Variants in NOTCH2 observed in about 807,000 individuals in gnomAD.
NOTCH2 encodes neurogenic locus notch homolog protein 2.
Under a neutral mutation model 235.8 loss-of-function variants are expected in NOTCH2, and 29 were observed. The observed-to-expected ratio is 0.12, with a 90% confidence interval of 0.09 to 0.17. The LOEUF (loss-of-function observed/expected upper bound fraction) is 0.17. Ranked by LOEUF, NOTCH2 falls within the 10% of genes least tolerant of loss-of-function variation. The probability of loss-of-function intolerance (pLI) is 1.00; values close to 1 mark genes in which losing one functional copy is unlikely to be tolerated. For synonymous variants in NOTCH2, 1,086 were observed against 1,141.5 expected, an observed-to-expected ratio of 0.95 and a Z score of 0.98; for missense variants, 2,285 against 3,150.2, an observed-to-expected ratio of 0.73 and a Z score of 6.57.
intron 5 of NOTCH2, among the ~76,000 whole-genome samples, chr1:119,977,499 C>T (rs996804086): frequency 9.2e-5 from 14 of 152,212 alleles, no homozygotes; most frequent in Admixed American, 2.6e-4. Flanking sequence ...GCCCAGTCAG[C>T]CCTCTGCGGT....
rs1649329457 is a variant in NOTCH2 at position 119,922,690 on chromosome 1, G to A, written c.4948C>T (p.Leu1650=). 6.2e-7 allele frequency: 1 copy of A among 1,614,108 alleles called. No homozygotes were observed. The highest frequency in any genetic ancestry group is 8.5e-7 in the Non-Finnish European group (1 of 1,180,048). The change falls in exon 27 of 34, where the codon CTG becomes TTG. Residue 1650 remains leucine, a synonymous_variant. Transcript: ENST00000256646. ...FKNTDAAAAL[L]ASHAIQGTLS... is the part of the protein sequence containing the mutation. The stretch of plus-strand genomic sequence containing the variant: ...GTCCCCTGTATGGCGTGAGAGGCCA[G>A]GAGAGCTGCTGCTGCATCCGTGTTC...
intron 19 of NOTCH2, among the ~76,000 whole-genome samples, chr1:119,939,461 A>G (rs946677631): frequency 5.3e-5 from 8 of 152,250 alleles, no homozygotes; most frequent in Admixed American, 5.2e-4. Context: ...TGTGTGAGAA[A>G]TCCACATGGG....
chr1:119,915,958 T>C lies in NOTCH2; in HGVS notation c.6764A>G (p.Asn2255Ser), dbSNP rs769268633. Residue 2255 changes from asparagine to serine, a missense_variant, in exon 34 of 34, where the codon AAC becomes AGC. Coordinates refer to ENST00000256646, the MANE Select transcript of NOTCH2 (RefSeq NM_024408.4). ...HPVPVPADWM[N>S]RMEVNETQYN... The stretch of plus-strand genomic sequence containing the variant: ...CTGGGTCTCATTCACCTCCATGCGG[T>C]TCATCCAATCTGCTGGGACTGGGAC... 9.3e-6 allele frequency: 15 copies of C among 1,613,996 alleles called. No individual in the cohort carries two copies. Among genetic ancestry groups the C allele is most frequent in the African/African-American group, 1.3e-5 (1 of 74,918 alleles).
Position 119,954,072 on chromosome 1 carries a change from C to T in NOTCH2, c.2220-384G>A, listed in dbSNP as rs76085702. Among the ~76,000 whole-genome samples, 14 of 152,234 alleles carry T rather than the reference C, an allele frequency of 9.2e-5. No individual in the cohort carries two copies. The East Asian group carries it at 2.3e-3, about 25-fold the overall frequency. On this transcript the variant is annotated intron_variant, in intron 13 of 33. Transcript: ENST00000256646. ...ATTAGTTTTTGGTGCCAAATAGATA[C>T]CTAGGTCACTGTCAGGGACCCTGAG...
rs1311635249 is a variant in NOTCH2, at chr1:119,915,775, G to A, written c.6947C>T (p.Ala2316Val). ...AGGCTGGGGAGCCCCCGCTGGTTGGGCAATACTGCCTTTAGGGATGAGCTG... is the reference window on the plus strand; with the variant it reads ...AGGCTGGGGAGCCCCCGCTGGTTGGACAATACTGCCTTTAGGGATGAGCTG... ...TFQLIPKGSI[A>V]QPAGAPQPQS... The change falls in exon 34 of 34, where the codon GCC (alanine) becomes GTC (valine). Residue 2316 changes from alanine (A) to valine (V), a missense_variant. Physicochemically the swap from Ala to Val is moderately conservative, Grantham distance 64 (BLOSUM62 0). Coordinates refer to ENST00000256646, the MANE Select transcript of NOTCH2 (RefSeq NM_024408.4). 1 of 1,609,924 alleles carries A rather than the reference G, an allele frequency of 6.2e-7. No homozygotes were observed. Among genetic ancestry groups the A allele is most frequent in the Admixed American group, 1.7e-5 (1 of 59,910 alleles).
rs1221282887 is a variant in NOTCH2, at chr1:119,963,176, T to TAGGAAGGA, written c.1915+397_1915+398insTCCTTCCT. Among the ~76,000 whole-genome samples, 76 of 66,428 alleles carry TAGGAAGGA rather than the reference T, an allele frequency of 1.1e-3. No homozygotes were observed. The East Asian group carries it at 0.022, about 19-fold the overall frequency. The allele number at this position is 66,428 out of a possible 152,430, so 43.6% of individuals were successfully genotyped here. A position where few individuals can be genotyped will look rare whatever the true frequency, so the allele number is the denominator to read the frequency against. On this transcript the variant is annotated intron_variant, in intron 11 of 33. Coordinates refer to ENST00000256646, the MANE Select transcript of NOTCH2 (RefSeq NM_024408.4). ...GAAGGGAAGAAGGGAAGAAGGAAGG[T>TAGGAAGGA]AGGTAGGAAGGAAGGAAGGAAGGAA...
chr1:119,955,338 G>A, intron 12 of NOTCH2, 106 bp from the exon 13 acceptor site: 2 of 1,123,342 alleles, frequency 1.8e-6, no homozygotes, highest in South Asian at 1.3e-5. Context: ...CAGGCCATAA[G>A]GTGCCTTGAG....
chr1:119,995,712 G>C (rs781976813), intron 4 of NOTCH2: 7 of 152,116 alleles, frequency 4.6e-5, no homozygotes, highest in Non-Finnish European at 8.8e-5. Flanking sequence ...TAATTAAATA[G>C]CTTGTTCTTG....
intron 3 of NOTCH2, among the ~76,000 whole-genome samples, chr1:120,005,078 G>A (rs1432404277): frequency 3.3e-5 from 5 of 152,132 alleles, no homozygotes; most frequent in East Asian, 3.9e-4. Context: ...GTGCACCACC[G>A]CACCTGGCCC....
At chr1:120,067,929 AACATCTGCGATTG>A (rs1479060776) in intron 1 of NOTCH2, among the ~76,000 whole-genome samples, 5 of 145,672 alleles carry the variant, frequency 3.4e-5, no homozygotes, top group Non-Finnish European at 7.5e-5. Flanking sequence ...TCTCTTTTTA[AACATCTGCGATTG>A]ACATGTCGAC....
chr1:119,921,062 G>A (rs942674211), intron 29 of NOTCH2, among the ~76,000 whole-genome samples: 1 of 152,188 alleles, frequency 6.6e-6, no homozygotes. Flanking sequence ...TTACAAAGAG[G>A]TTAAGTAACT....
chr1:119,986,672 A>C (rs1652030728), intron 5 of NOTCH2, among the ~76,000 whole-genome samples: 1 of 152,176 alleles, frequency 6.6e-6, no homozygotes, highest in African/African-American at 2.4e-5. Context: ...TTTCCCAGAT[A>C]ATAAGCTTAC....
intron 5 of NOTCH2, among the ~76,000 whole-genome samples, chr1:119,981,166 C>A (rs1553201607): frequency 1.3e-5 from 2 of 152,166 alleles, no homozygotes; most frequent in African/African-American, 4.8e-5. Flanking sequence ...TACCCTATTT[C>A]TCCTTCTCTG....
Position 119,911,670 on chromosome 1 carries a change from C to T in NOTCH2, c.*3636G>A, listed in dbSNP as rs1055182057. ...TATATTAAGTTCTACACAAATTTCA[C>T]TTAAGGAATGTTACAAACCAATCAT... On this transcript the variant is annotated 3_prime_UTR_variant, in exon 34 of 34. Transcript: ENST00000256646. 1.3e-5 allele frequency: 3 copies of T among 232,860 alleles called. No individual in the cohort carries two copies. The highest frequency in any genetic ancestry group is 2.2e-5 in the African/African-American group (1 of 45,322). The allele number at this position is 232,860 out of a possible 1,614,324, so 14.4% of individuals were successfully genotyped here.
intron 14 of NOTCH2, 22 bp downstream of exon 14, chr1:119,953,521 A>T (rs782781123): frequency 1.2e-6 from 2 of 1,613,600 alleles, no homozygotes; most frequent in African/African-American, 2.7e-5. Flanking sequence ...GCAGACGCAG[A>T]AAGATGTACT....
chr1:119,927,005 G>A (rs1649498378), intron 23 of NOTCH2, among the ~76,000 whole-genome samples: 1 of 152,184 alleles, frequency 6.6e-6, no homozygotes, highest in South Asian at 2.1e-4. Flanking sequence ...TACTTCATAG[G>A]AGAGGCTACA....
Position 119,957,009 on chromosome 1 carries a change from G to C in NOTCH2, c.2027-1777C>G, listed in dbSNP as rs74117579. On this transcript the variant is annotated intron_variant, in intron 12 of 33. Coordinates refer to ENST00000256646, the MANE Select transcript of NOTCH2 (RefSeq NM_024408.4). ...TCTGACTTAGGCACTCAATAAATTG[G>C]TGTTTAATAAATGAAAACATGGTAT... Among the ~76,000 whole-genome samples the C allele has an allele frequency of 1.7e-3, 263 of 152,322 alleles. 3 individuals carry two copies. The highest frequency in any genetic ancestry group is 5.9e-3 in the African/African-American group (247 of 41,574).
At position 119,957,575 on chromosome 1, in the gene NOTCH2, C is replaced by G. The variant is rs2493412; in HGVS notation, c.2026+1817G>C. Reference sequence around the variant, plus strand: ...TCATGAGTATATACCACAGTCATCTCTAATGTTTTTAGCAGCTGATTAAAA... The same window carrying G: ...TCATGAGTATATACCACAGTCATCTGTAATGTTTTTAGCAGCTGATTAAAA... On this transcript the variant is annotated intron_variant, in intron 12 of 33. Coordinates refer to ENST00000256646, the MANE Select transcript of NOTCH2 (RefSeq NM_024408.4). Among the ~76,000 whole-genome samples, 1,261 of 152,122 alleles carry G rather than the reference C, an allele frequency of 8.3e-3. 15 individuals are homozygous for G. The highest frequency in any genetic ancestry group is 0.028 in the African/African-American group (1,165 of 41,504).
rs1373542313 is a variant in NOTCH2, at chr1:119,935,596, T to C, written c.3531A>G (p.Pro1177=). The C allele has an allele frequency of 4.3e-6, 7 of 1,614,020 alleles. No homozygotes were observed. The highest frequency in any genetic ancestry group is 4.2e-6 in the Non-Finnish European group (5 of 1,180,032). Residue 1177 remains proline, a synonymous_variant, in exon 22 of 34, where the codon CCA becomes CCG. Coordinates refer to ENST00000256646, the MANE Select transcript of NOTCH2 (RefSeq NM_024408.4). ...ACTCACAGTTGACACCCTGATAGCC[T>C]GGGACACACTGCCATGAGGAAACAA... is the stretch of plus-strand genomic sequence containing the variant. The part of the protein sequence containing the change: ...FIGGYRCECV[P]GYQGVNCEYE...
Sources: allele counts gnomAD v4.1 joint callset (sites outside exome capture counted in the v4.1 genomes callset), GRCh38; gene constraint gnomAD v4.1.1; transcripts MANE v1.5; gene names NCBI Gene and HGNC (gene_info 2026-07-23, HGNC 2026-07-21).